Variants in PCDHGA4 observed in about 807,000 individuals in gnomAD.
The protein encoded by PCDHGA4 is protocadherin gamma subfamily A, 4.
Under a neutral mutation model 54.6 loss-of-function variants are expected in PCDHGA4, and 38 were observed. The ratio of observed to expected loss-of-function variants is 0.70; its 90% CI spans 0.54 to 0.91. The LOEUF (loss-of-function observed/expected upper bound fraction) is 0.91. PCDHGA4 is among the 40% of genes least tolerant of loss of function. The pLI, the probability that PCDHGA4 is intolerant of heterozygous loss-of-function variation, is 0.00. For synonymous variants in PCDHGA4, 511 were observed against 512.9 expected, an observed-to-expected ratio of 1.00 and a Z score of 0.05; for missense variants, 1,298 against 1,220.9, an observed-to-expected ratio of 1.06 and a Z score of -0.94.
rs539719239 is a variant in PCDHGA4, at chr5:141,431,888, G to A, written c.2515-62919G>A. The A allele has an allele frequency of 6.2e-7, 1 of 1,614,200 alleles. No homozygotes were observed. The highest frequency in any genetic ancestry group is 1.7e-5 in the Admixed American group (1 of 60,036). On this transcript the variant is annotated intron_variant, in intron 1 of 3. Coordinates refer to ENST00000571252, the MANE Select transcript of PCDHGA4 (RefSeq NM_018917.4). The surrounding 1 kb of genome is among the most constrained non-coding windows in gnomAD (Gnocchi z 4.8). ...TTTAAATGTAAATGACCAAGATTCT[G>A]AGGAAAACGGACAGGTGATCTGTTT... is the stretch of plus-strand genomic sequence containing the variant.
chr5:141,418,150 A>C (rs1377300460), intron 1 of PCDHGA4: 2 of 1,614,112 alleles, frequency 1.2e-6, no homozygotes, highest in Non-Finnish European at 8.5e-7. Context: ...AAATATGCAA[A>C]GAGAGAAGAA....
rs200356364 is a variant in PCDHGA4, at chr5:141,470,128, C to CA, written c.2515-24670dup. On this transcript the variant is annotated intron_variant, in intron 1 of 3. Transcript: ENST00000571252. ...TGAGCAACAGAGCAAGACTTCGTCT[C>CA]AAAAAAAAAGATCATAGATCATCTT... 4.0e-3 allele frequency among the ~76,000 whole-genome samples: 596 copies of CA among 150,150 alleles called. 6 individuals are homozygous for CA. The highest frequency in any genetic ancestry group is 0.011 in the Admixed American group (171 of 15,136).
intron 1 of PCDHGA4, chr5:141,419,137 C>CAGGG: frequency 6.2e-7 from 1 of 1,613,892 alleles, no homozygotes; most frequent in Non-Finnish European, 8.5e-7. Context: ...CAGCCACAGA[C>CAGGG]AGGGGCAAGC....
rs200368368 is a variant in PCDHGA4 at position 141,371,922 on chromosome 5, C to T, written c.2514+14301C>T. 2.5e-4 allele frequency: 410 copies of T among 1,613,228 alleles called. No individual in the cohort carries two copies. The highest frequency in any genetic ancestry group is 3.3e-4 in the Non-Finnish European group (394 of 1,179,902). On this transcript the variant is annotated intron_variant, in intron 1 of 3. Transcript: ENST00000571252. ...GTCGTCCTACGTGTCCGTGAGCGCG[C>T]GGAGCGGGGTGGTGTTCGCGCAGCG...
Position 141,432,806 on chromosome 5 carries a change from A to G in PCDHGA4, c.2515-62001A>G, listed in dbSNP as rs755248654. 12 of 1,614,070 alleles carry G rather than the reference A, an allele frequency of 7.4e-6. No individual in the cohort carries two copies. Among genetic ancestry groups the G allele is most frequent in the Non-Finnish European group, 9.3e-6 (11 of 1,179,972 alleles). On this transcript the variant is annotated intron_variant, in intron 1 of 3. Transcript: ENST00000571252. This position sits in a 1 kb window ranked among gnomAD's most constrained non-coding sequence, Gnocchi z 6.0. ...CCTCGGCAGCCTCGAGTCTCCAGCT[A>G]ACTCTGAAACCTCAGACCTCACTCT...
intron 1 of PCDHGA4, chr5:141,410,564 T>C: frequency 6.2e-7 from 1 of 1,612,612 alleles, no homozygotes; most frequent in Non-Finnish European, 8.5e-7. Context: ...TCCTGGAGCC[T>C]TAATTCCACC....
chr5:141,479,453 A>G (rs994349416), intron 1 of PCDHGA4: 1 of 152,266 alleles, frequency 6.6e-6, no homozygotes, highest in Non-Finnish European at 1.5e-5. Context: ...TAAGTTCAGC[A>G]TGAATACAGT....
At position 141,495,662 on chromosome 5, in the gene PCDHGA4, C is replaced by T. The variant is rs545912968; in HGVS notation, c.2573+797C>T. The stretch of plus-strand genomic sequence containing the variant: ...TTTGTCTACTTGCATTGATCTGTGC[C>T]GCCCACTGTGCCTGCCATGGCATAA... On this transcript the variant is annotated intron_variant, in intron 2 of 3. Coordinates refer to ENST00000571252, the MANE Select transcript of PCDHGA4 (RefSeq NM_018917.4). Among the ~76,000 whole-genome samples, 8 of 152,256 alleles carry T rather than the reference C, an allele frequency of 5.3e-5. No individual in the cohort carries two copies. In the South Asian group the frequency reaches 6.2e-4, roughly 12 times the overall value.
intron 1 of PCDHGA4, among the ~76,000 whole-genome samples, chr5:141,465,576 C>T (rs1002696285): frequency 6.6e-6 from 1 of 152,136 alleles, no homozygotes; most frequent in Non-Finnish European, 1.5e-5. Context: ...TCTCAAAACA[C>T]TCTCATAATA....
intron 1 of PCDHGA4, chr5:141,384,186 T>A: frequency 6.2e-7 from 1 of 1,613,730 alleles, no homozygotes; most frequent in Non-Finnish European, 8.5e-7. Flanking sequence ...ATGGTGGAAC[T>A]CCTCCCTTGT....
intron 1 of PCDHGA4, among the ~76,000 whole-genome samples, chr5:141,464,436 TTTG>T (rs1043492514): frequency 1.1e-4 from 17 of 151,396 alleles, no homozygotes; most frequent in Non-Finnish European, 1.9e-4. Flanking sequence ...GATATATATG[TTTG>T]TTGTTGTTGT....
At chr5:141,430,680 C>G (rs990086941) in intron 1 of PCDHGA4, 8 of 1,343,124 alleles carry the variant, frequency 6.0e-6, no homozygotes, top group Non-Finnish European at 8.0e-6. Context: ...TCCCAACTGT[C>G]CCATTCTATG....
chr5:141,439,680 A>T (rs1478261632), intron 1 of PCDHGA4, among the ~76,000 whole-genome samples: 1 of 152,236 alleles, frequency 6.6e-6, no homozygotes, highest in African/African-American at 2.4e-5. Context: ...ATCCAAGAGC[A>T]GACCCACAAC....
At chr5:141,389,755 T>C in intron 1 of PCDHGA4, 1 of 1,612,872 alleles carries the variant, frequency 6.2e-7, no homozygotes, top group African/African-American at 1.3e-5. Context: ...ACGGGCGAAG[T>C]GCGCACAGCG....
rs1248410660 is a variant in PCDHGA4, at chr5:141,394,098, A to G, written c.2514+36477A>G. On this transcript the variant is annotated intron_variant, in intron 1 of 3. Transcript: ENST00000571252. The stretch of plus-strand genomic sequence containing the variant: ...CACAGTGATGGCCTCAGATCTAGGA[A>G]CACCACCTCTGTCCACTGAAACTCA... 2.5e-6 allele frequency: 4 copies of G among 1,613,854 alleles called. No individual in the cohort carries two copies. In the East Asian group the frequency reaches 8.9e-5, roughly 36 times the overall value.
At chr5:141,400,262 G>T (rs1485452553) in intron 1 of PCDHGA4, 1 of 1,613,914 alleles carries the variant, frequency 6.2e-7, no homozygotes, top group African/African-American at 1.3e-5. Flanking sequence ...TTGCGCCTGC[G>T]ACGCTCCTCC....
intron 1 of PCDHGA4, chr5:141,366,483 G>A: frequency 6.2e-7 from 1 of 1,614,236 alleles, no homozygotes; most frequent in South Asian, 1.1e-5. Context: ...AGACTGAGGC[G>A]CTGGCACAAG....
chr5:141,366,580 G>A (rs759906003), intron 1 of PCDHGA4: 19 of 1,614,132 alleles, frequency 1.2e-5, no homozygotes, highest in Non-Finnish European at 4.2e-6. Context: ...GGGCTTTCCT[G>A]CAGACCTATT....
rs1760202379 is a variant in PCDHGA4, at chr5:141,356,354, CT to C, written c.1248del (p.Ile417PhefsTer20). ...DSGGNGLVTC[S>X]IPDNLPFTLE... is the part of the protein sequence containing the mutation. The stretch of plus-strand genomic sequence containing the variant: ...GGAGGAAATGGCCTAGTCACATGTT[CT>C]ATTCCAGATAATCTGCCATTCACAC... On this transcript the variant is annotated frameshift_variant, in exon 1 of 4. Coordinates refer to ENST00000571252, the MANE Select transcript of PCDHGA4 (RefSeq NM_018917.4). LOFTEE classifies it high-confidence loss of function. 6.4e-7 allele frequency: 1 copy of C among 1,556,448 alleles called. No individual in the cohort carries two copies. Among genetic ancestry groups the C allele is most frequent in the Admixed American group, 1.9e-5 (1 of 51,286 alleles).
Sources: allele counts gnomAD v4.1 joint callset (sites outside exome capture counted in the v4.1 genomes callset), GRCh38; gene constraint gnomAD v4.1.1; non-coding constraint Gnocchi (gnomAD v3.1); transcripts MANE v1.5; gene names NCBI Gene and HGNC (gene_info 2026-07-23, HGNC 2026-07-21).